Variants in DUS4L observed in about 807,000 individuals in gnomAD.
DUS4L encodes the protein dihydrouridine synthase 4 like, also known as tRNA-dihydrouridine(20a/20b) synthase [NAD(P)+]-like.
DUS4L carries 31 observed loss-of-function variants against 33.8 expected under a neutral mutation model. The ratio of observed to expected loss-of-function variants is 0.92; its 90% confidence interval spans 0.69 to 1.24. DUS4L has a LOEUF of 1.24. Ranked by LOEUF, DUS4L falls within the 50% of genes most tolerant of loss-of-function variation. DUS4L has a pLI of 0.00. For synonymous variants in DUS4L, 103 were observed against 120.3 expected (o/e 0.86, Z 0.94); for missense variants, 368 against 388.6 (o/e 0.95, Z 0.45).
intron 3 of DUS4L, among the ~76,000 whole-genome samples, chr7:107,568,691 T>C (rs1277491015): frequency 6.6e-6 from 1 of 152,258 alleles, no homozygotes; most frequent in Non-Finnish European, 1.5e-5. Context: ...AACATCAATT[T>C]TTCCTTTTGT....
In DUS4L at chr7:107,564,219, G is replaced by A. The variant is rs1804320439; in HGVS notation, c.-111+10G>A. The A allele has an allele frequency of 6.8e-6, 4 of 589,776 alleles. No individual in the cohort carries two copies. The East Asian group carries it at 1.1e-4, about 17-fold the overall frequency. 36.5% of individuals were successfully genotyped at this position (589,776 alleles called of 1,614,324 possible). On this transcript the variant is annotated intron_variant, in intron 1 of 7. Coordinates refer to ENST00000265720, the MANE Select transcript of DUS4L (RefSeq NM_181581.3). Reference sequence around the variant, plus strand: ...CCTAGCCAAGGAGAAGGTGGGCACCGGAACGTGGCCGCAGCGCTTATCTGT... The same window carrying A: ...CCTAGCCAAGGAGAAGGTGGGCACCAGAACGTGGCCGCAGCGCTTATCTGT...
intron 3 of DUS4L, 24 bp downstream of exon 3, chr7:107,567,210 G>T: frequency 6.3e-7 from 1 of 1,596,080 alleles, no homozygotes; most frequent in African/African-American, 1.3e-5. Context: ...AATGATTAAT[G>T]AACTAAGATG....
chr7:107,568,416 A>C (rs546771935), intron 3 of DUS4L, among the ~76,000 whole-genome samples: 1 of 152,222 alleles, frequency 6.6e-6, no homozygotes, highest in East Asian at 1.9e-4. Flanking sequence ...ATCTCATTGC[A>C]GTTTTAATTT....
At chr7:107,576,623 TGG>T (rs3839819) in intron 7 of DUS4L, 31 bp downstream of exon 7, 5 of 1,497,500 alleles carry the variant, frequency 3.3e-6, no homozygotes, top group East Asian at 2.3e-5. Flanking sequence ...TTCTTTTAAT[TGG>T]GGGGGGAAGA....
intron 5 of DUS4L, 70 bp from the exon 6 acceptor site, chr7:107,575,118 G>A (rs749360200): frequency 1.3e-6 from 2 of 1,595,640 alleles, no homozygotes; most frequent in Non-Finnish European, 1.7e-6. Context: ...TTACATTTCA[G>A]TGCTTTCAGA....
In DUS4L at chr7:107,577,563, A is replaced by G; in HGVS notation, c.*3A>G. 6.2e-7 allele frequency: 1 copy of G among 1,609,656 alleles called. No homozygotes were observed. The highest frequency in any genetic ancestry group is 8.5e-7 in the Non-Finnish European group (1 of 1,177,620). ...TTACAGACCATTATGGCATTTGACT[A>G]GACTTCCCAAATAATTTTAATATAT... On this transcript the variant is annotated 3_prime_UTR_variant, in exon 8 of 8. Transcript: ENST00000265720.
intron 4 of DUS4L, 62 bp from the exon 5 acceptor site, chr7:107,573,642 G>GGT (rs1805464041): frequency 8.0e-5 from 120 of 1,493,596 alleles, no homozygotes; most frequent in Admixed American, 1.7e-4. Flanking sequence ...ATTAAAGTTT[G>GGT]GTGTGTGTGT....
At position 107,575,262 on chromosome 7, in the gene DUS4L, T is replaced by G. The variant is rs1330896434; in HGVS notation, c.431T>G (p.Val144Gly). The G allele has an allele frequency of 6.2e-7, 1 of 1,610,576 alleles. No individual in the cohort carries two copies. ...PELVQDMVKQ[V>G]RNQVETPGFS... Reference sequence around the variant, plus strand: ...CTTGTTCAAGACATGGTGAAACAAGTAAGAAATCAAGTGGAAACCCCTGGA... The same window carrying G: ...CTTGTTCAAGACATGGTGAAACAAGGAAGAAATCAAGTGGAAACCCCTGGA... The change falls in exon 6 of 8, where the codon GTA (valine) becomes GGA (glycine). Residue 144 changes from valine (V) to glycine (G), a missense_variant. Transcript: ENST00000265720.
At chr7:107,576,279 TG>T (rs1286150214) in intron 6 of DUS4L, 86 bp from the exon 7 acceptor site, 6 of 1,288,124 alleles carry the variant, frequency 4.7e-6, no homozygotes, top group Non-Finnish European at 6.5e-6. Flanking sequence ...CTAACTAATT[TG>T]GTAGATGAAA....
chr7:107,573,042 T>A (rs1805403969), intron 4 of DUS4L, among the ~76,000 whole-genome samples: 1 of 152,082 alleles, frequency 6.6e-6, no homozygotes, highest in Admixed American at 6.6e-5. Context: ...AGCTCACAAA[T>A]TAGAATATTC....
In DUS4L at chr7:107,576,376, G is replaced by A; in HGVS notation, c.490G>A (p.Asp164Asn). 6.2e-7 allele frequency: 1 copy of A among 1,605,550 alleles called. No homozygotes were observed. The stretch of plus-strand genomic sequence containing the variant: ...ATTTTGAAATTGTAGGATCCATGAT[G>A]ACCTTAAAAGAACTGTAGATCTTTG... ...SVSIKIRIHD[D>N]LKRTVDLCQK... The change falls in exon 7 of 8, where the codon GAC becomes AAC. Residue 164 changes from aspartate (D) to asparagine (N), a missense_variant. By Grantham distance (23) the Asp-to-Asn change is conservative (BLOSUM62 1). Coordinates refer to ENST00000265720, the MANE Select transcript of DUS4L (RefSeq NM_181581.3).
rs916262493 is a variant in DUS4L at position 107,578,253 on chromosome 7, A to G, written c.*693A>G. Reference sequence around the variant, plus strand: ...AAATATTTCCTAGAGAATAGTAACCAGGTTTTGTTTTTAACTTTAAAACCT... The same window carrying G: ...AAATATTTCCTAGAGAATAGTAACCGGGTTTTGTTTTTAACTTTAAAACCT... On this transcript the variant is annotated 3_prime_UTR_variant, in exon 8 of 8. Coordinates refer to ENST00000265720, the MANE Select transcript of DUS4L (RefSeq NM_181581.3). 2.0e-5 allele frequency: 3 copies of G among 152,202 alleles called. No homozygotes were observed. Among genetic ancestry groups the G allele is most frequent in the Admixed American group, 6.5e-5 (1 of 15,280 alleles). The allele number at this position is 152,202 out of a possible 1,614,324, so 9.4% of individuals were successfully genotyped here. A position where few individuals can be genotyped will look rare whatever the true frequency, so the allele number is the denominator to read the frequency against.
intron 3 of DUS4L, 54 bp from the exon 4 acceptor site, chr7:107,571,091 A>G (rs1805188465): frequency 6.2e-7 from 1 of 1,607,726 alleles, no homozygotes; most frequent in Non-Finnish European, 8.5e-7. Flanking sequence ...ACAATGCACT[A>G]AAATATGTTT....
At position 107,568,656 on chromosome 7, in the gene DUS4L, CAAA is replaced by C. The variant is rs1804924299; in HGVS notation, c.116+1472_116+1474del. ...GCTCCTAACAGGATCTTTTGCAGAA[CAAA>C]AGTTTCATTTTAATGAAGTCTAACA... is the stretch of plus-strand genomic sequence containing the variant. On this transcript the variant is annotated intron_variant, in intron 3 of 7. Coordinates refer to ENST00000265720, the MANE Select transcript of DUS4L (RefSeq NM_181581.3). 2.0e-5 allele frequency among the ~76,000 whole-genome samples: 3 copies of C among 152,272 alleles called. No homozygotes were observed. In the South Asian group the frequency reaches 6.2e-4, roughly 32 times the overall value.
intron 5 of DUS4L, chr7:107,574,825 T>C (rs1352865278): frequency 3.4e-6 from 1 of 295,530 alleles, no homozygotes; most frequent in Non-Finnish European, 6.4e-6. Context: ...AAAAATATCT[T>C]TCTACTATTG....
intron 3 of DUS4L, chr7:107,570,407 A>G (rs73419470): frequency 0.045 from 6,818 of 152,202 alleles, 508 homozygotes; most frequent in African/African-American, 0.15. Flanking sequence ...GTGCTGGGCA[A>G]TAATGAAAGT....
intron 2 of DUS4L, among the ~76,000 whole-genome samples, chr7:107,566,259 TTTG>T (rs949504919): frequency 1.4e-4 from 21 of 152,322 alleles, no homozygotes; most frequent in African/African-American, 4.8e-4. Context: ...GATTCTTTTT[TTTG>T]TTGTTGTTAT....
Position 107,575,293 on chromosome 7 carries a change from AG to A in DUS4L, c.463del (p.Val155PhefsTer5). On this transcript the variant is annotated frameshift_variant, in exon 6 of 8. Coordinates refer to ENST00000265720, the MANE Select transcript of DUS4L (RefSeq NM_181581.3). LOFTEE classifies it high-confidence loss of function. ...ATCAAGTGGAAACCCCTGGATTTTC[AG>A]TTTCTATTAAAATAAGGTAAAGACA... ...RNQVETPGFS[V>X]SIKIRIHDDL... 3.7e-6 allele frequency: 6 copies of A among 1,611,364 alleles called. No individual in the cohort carries two copies. The highest frequency in any genetic ancestry group is 5.1e-6 in the Non-Finnish European group (6 of 1,179,150).
At chr7:107,571,012 C>G in intron 3 of DUS4L, 133 bp from the exon 4 acceptor site, 1 of 1,171,740 alleles carries the variant, frequency 8.5e-7, no homozygotes, top group Non-Finnish European at 1.2e-6. Flanking sequence ...TAATACTTAA[C>G]AGGAATAATA....
Sources: gnomAD v4.1 joint callset for allele counts (sites outside exome capture counted in the v4.1 genomes callset) on GRCh38, gnomAD v4.1.1 for gene constraint, MANE v1.5 for transcripts, NCBI Gene and HGNC (gene_info 2026-07-23, HGNC 2026-07-21) for gene names.